MAGI3: variants seen among roughly 807,000 people sequenced by gnomAD.
The protein encoded by MAGI3 is membrane-associated guanylate kinase, WW and PDZ domain-containing protein 3.
In MAGI3, 43 loss-of-function variants were observed where a neutral mutation model predicts 121.8. That is an observed-to-expected ratio of 0.35 (90% CI 0.28 to 0.46). MAGI3 has a LOEUF of 0.46. Ranked by LOEUF, MAGI3 falls within the 20% of genes least tolerant of loss-of-function variation. The pLI is 1.00. For missense variants in MAGI3, 1,547 were observed against 1,797.3 expected (o/e 0.86, Z 2.52); for synonymous variants, 553 against 639.3 (o/e 0.86, Z 2.04).
chr1:113,665,772 A>G (rs1397465173), intron 16 of MAGI3, among the ~76,000 whole-genome samples: 3 of 152,066 alleles, frequency 2.0e-5, no homozygotes, highest in Non-Finnish European at 4.4e-5. Flanking sequence ...GAGTCTCAAT[A>G]GATTATAATG....
intron 6 of MAGI3, among the ~76,000 whole-genome samples, chr1:113,600,732 A>G (rs1649315537): frequency 1.3e-5 from 2 of 152,222 alleles, no homozygotes; most frequent in Admixed American, 6.5e-5. Flanking sequence ...TTTAAAGTTC[A>G]TATGGAACCA....
At chr1:113,399,891 T>C (rs1251065314) in intron 1 of MAGI3, among the ~76,000 whole-genome samples, 8 of 152,190 alleles carry the variant, frequency 5.3e-5, no homozygotes. Flanking sequence ...CAAGGTGTTT[T>C]GCTTTTAAAA....
intron 1 of MAGI3, among the ~76,000 whole-genome samples, chr1:113,444,326 C>G (rs1029423349): frequency 2.6e-5 from 4 of 152,168 alleles, no homozygotes; most frequent in African/African-American, 9.6e-5. Context: ...ATACCTACCC[C>G]CATTGTTGCA....
chr1:113,485,099 A>G (rs1167506371), intron 1 of MAGI3, among the ~76,000 whole-genome samples: 1 of 152,112 alleles, frequency 6.6e-6, no homozygotes, highest in Non-Finnish European at 1.5e-5. Context: ...TATTTCTGCA[A>G]CTGCAAATTG....
At chr1:113,582,450 T>C (rs1489115608) in intron 3 of MAGI3, among the ~76,000 whole-genome samples, 7 of 115,696 alleles carry the variant, frequency 6.1e-5, no homozygotes, top group African/African-American at 2.0e-4. Context: ...CAGTTCAATG[T>C]ACTGGATTTA....
chr1:113,642,302 C>G lies in MAGI3; in HGVS notation c.1752C>G (p.Gly584=). 1 of 1,614,056 alleles carries G rather than the reference C, an allele frequency of 6.2e-7. No homozygotes were observed. Among genetic ancestry groups the G allele is most frequent in the Admixed American group, 1.7e-5 (1 of 60,016 alleles). ...TAGTGACTATCCCTTTGATTAAGGGCCCTAAAGGGTTTGGGTTTGCAATTG... is the reference window on the plus strand; with the variant it reads ...TAGTGACTATCCCTTTGATTAAGGGGCCTAAAGGGTTTGGGTTTGCAATTG... The part of the protein sequence containing the change: ...PELVTIPLIK[G]PKGFGFAIAD... Residue 584 remains glycine (G), a synonymous_variant, in exon 10 of 21, where the codon GGC becomes GGG. Transcript: ENST00000307546.
chr1:113,534,988 G>A (rs1442160953), intron 1 of MAGI3, among the ~76,000 whole-genome samples: 1 of 152,060 alleles, frequency 6.6e-6, no homozygotes, highest in Non-Finnish European at 1.5e-5. Context: ...TTCTGTAAGT[G>A]GCCTGCAAAA....
intron 1 of MAGI3, among the ~76,000 whole-genome samples, chr1:113,456,437 A>T (rs1654763108): frequency 6.6e-6 from 1 of 152,166 alleles, no homozygotes; most frequent in Admixed American, 6.5e-5. Flanking sequence ...AAAGCTATCC[A>T]GTTCATTTTA....
intron 1 of MAGI3, among the ~76,000 whole-genome samples, chr1:113,423,493 G>A (rs1652839922): frequency 6.6e-6 from 1 of 152,082 alleles, no homozygotes; most frequent in Non-Finnish European, 1.5e-5. Context: ...GGGTAGTCTT[G>A]ATCTCCTGAC....
chr1:113,503,779 A>G (rs1004081707), intron 1 of MAGI3, among the ~76,000 whole-genome samples: 4 of 152,064 alleles, frequency 2.6e-5, no homozygotes, highest in Non-Finnish European at 5.9e-5. Flanking sequence ...ATTTGTAACA[A>G]GAATATAAAA....
At chr1:113,441,414 C>T (rs1653905233) in intron 1 of MAGI3, among the ~76,000 whole-genome samples, 1 of 152,062 alleles carries the variant, frequency 6.6e-6, no homozygotes, top group Admixed American at 6.6e-5. Context: ...ATATGTTACC[C>T]AATGCTCGCT....
chr1:113,415,985 A>ACATATG lies in MAGI3; in HGVS notation c.316+24636_316+24637insCATATG, dbSNP rs1652281650. On this transcript the variant is annotated intron_variant, in intron 1 of 20. Coordinates refer to ENST00000307546, the MANE Select transcript of MAGI3 (RefSeq NM_001142782.2). The stretch of plus-strand genomic sequence containing the variant: ...CAGGGGGTCAAAAACATTTATATAT[A>ACATATG]TTAATTATATAATTAATTACATATA... Among the ~76,000 whole-genome samples, 5 of 90,052 alleles carry ACATATG rather than the reference A, an allele frequency of 5.6e-5. No homozygotes were observed. The South Asian group carries it at 2.9e-3, about 53-fold the overall frequency. 59.1% of individuals were successfully genotyped at this position (90,052 alleles called of 152,430 possible). A position where few individuals can be genotyped will look rare whatever the true frequency, so the allele number is the denominator to read the frequency against.
At chr1:113,537,512 C>T (rs1439174842) in intron 1 of MAGI3, among the ~76,000 whole-genome samples, 1 of 152,180 alleles carries the variant, frequency 6.6e-6, no homozygotes, top group Non-Finnish European at 1.5e-5. Flanking sequence ...CCAGTGAGTT[C>T]CACCTTCAGT....
chr1:113,598,284 G>C (rs7517631), intron 6 of MAGI3, among the ~76,000 whole-genome samples: 3,445 of 124,244 alleles, frequency 0.028, 139 homozygotes, highest in African/African-American at 0.097. Flanking sequence ...AGAAAACAAA[G>C]TACTAGGTAA....
At chr1:113,639,305 G>T (rs914880933) in intron 9 of MAGI3, among the ~76,000 whole-genome samples, 33 of 152,240 alleles carry the variant, frequency 2.2e-4, no homozygotes, top group Admixed American at 5.9e-4. Flanking sequence ...TGGAAATGCA[G>T]AAATCACCCA....
chr1:113,411,050 T>A (rs1651948834), intron 1 of MAGI3, among the ~76,000 whole-genome samples: 1 of 152,146 alleles, frequency 6.6e-6, no homozygotes, highest in Non-Finnish European at 1.5e-5. Flanking sequence ...GAACAAGAAC[T>A]GTTGATATTT....
At chr1:113,543,079 A>G (rs1659365376) in intron 1 of MAGI3, among the ~76,000 whole-genome samples, 1 of 151,880 alleles carries the variant, frequency 6.6e-6, no homozygotes, top group Non-Finnish European at 1.5e-5. Context: ...AATAATTCTA[A>G]AATAACAGCC....
intron 1 of MAGI3, among the ~76,000 whole-genome samples, chr1:113,516,979 A>C (rs1350739170): frequency 6.6e-6 from 1 of 152,010 alleles, no homozygotes; most frequent in Non-Finnish European, 1.5e-5. Context: ...TATTCTACAG[A>C]ATACCTGTTT....
intron 9 of MAGI3, among the ~76,000 whole-genome samples, chr1:113,633,149 C>T (rs1316749948): frequency 2.9e-5 from 4 of 138,400 alleles, no homozygotes; most frequent in East Asian, 2.2e-4. Context: ...TGAGAATATG[C>T]AGTGTTTGGT....
Sources: gnomAD v4.1 joint callset for allele counts (sites outside exome capture counted in the v4.1 genomes callset) on GRCh38, gnomAD v4.1.1 for gene constraint, MANE v1.5 for transcripts, NCBI Gene and HGNC (gene_info 2026-07-23, HGNC 2026-07-21) for gene names.